CTR9: variants seen among roughly 807,000 people sequenced by gnomAD.
CTR9 encodes RNA polymerase-associated protein CTR9 homolog.
In CTR9, 41 loss-of-function variants were observed where a neutral mutation model predicts 152.1. That is an observed-to-expected ratio of 0.27 (90% confidence interval 0.21 to 0.35). The LOEUF is 0.35. CTR9 is among the 10% of genes least tolerant of loss of function. The pLI is 1.00. For synonymous variants in CTR9, 476 were observed against 496.2 expected, an observed-to-expected ratio of 0.96 and a Z score of 0.54; for missense variants, 917 against 1,424.4, an observed-to-expected ratio of 0.64 and a Z score of 5.73.
At chr11:10,753,952 C>T (rs1323640384) in intron 2 of CTR9, among the ~76,000 whole-genome samples, 1 of 152,146 alleles carries the variant, frequency 6.6e-6, no homozygotes, top group African/African-American at 2.4e-5. Context: ...ATGTTAGCAT[C>T]TACCTCATAG....
At position 10,775,246 on chromosome 11, in the gene CTR9, A is replaced by G. The variant is rs1863213287; in HGVS notation, c.2925A>G (p.Thr975=). 1.2e-6 allele frequency: 2 copies of G among 1,614,038 alleles called. No homozygotes were observed. Among genetic ancestry groups the G allele is most frequent in the East Asian group, 2.2e-5 (1 of 44,888 alleles). The change falls in exon 23 of 25, where the codon ACA becomes ACG. Residue 975 remains threonine (T), a synonymous_variant. Transcript: ENST00000361367. ...AAGAAGGATCTGATGATGATGAAAC[A>G]GAAAATGGCCCCAAACCAAAAAAAC... The part of the protein sequence containing the change: ...KGEEGSDDDE[T]ENGPKPKKRR...
In CTR9 at chr11:10,764,429, A is replaced by T. The variant is rs1201235668; in HGVS notation, c.1406A>T (p.Glu469Val). ...ALHFRLGNLG[E>V]AKKYFLASLD... ...CATTTTAGACTTGGAAACCTAGGGG[A>T]GGCTAAGGTAGGAAAATAGAAATAT... Residue 469 changes from glutamate (E) to valine (V), a missense_variant, in exon 11 of 25, where the codon GAG becomes GTG. Transcript: ENST00000361367. 1 of 1,612,422 alleles carries T rather than the reference A, an allele frequency of 6.2e-7. No individual in the cohort carries two copies. The highest frequency in any genetic ancestry group is 2.2e-5 in the East Asian group (1 of 44,834).
At chr11:10,764,017 C>G in intron 9 of CTR9, 95 bp from the exon 10 acceptor site, 1 of 1,378,938 alleles carries the variant, frequency 7.3e-7, no homozygotes, top group Non-Finnish European at 1.0e-6. Flanking sequence ...AGATAACAAA[C>G]AATGGATTTA....
At chr11:10,761,021 A>G (rs1862967623) in intron 6 of CTR9, among the ~76,000 whole-genome samples, 1 of 152,206 alleles carries the variant, frequency 6.6e-6, no homozygotes, top group African/African-American at 2.4e-5. Context: ...GCTTCCCCTT[A>G]TGTATAATTG....
At chr11:10,772,712 T>C (rs1353022523) in intron 20 of CTR9, 57 bp downstream of exon 20, 26 of 1,475,156 alleles carry the variant, frequency 1.8e-5, no homozygotes, top group Non-Finnish European at 2.3e-5. Context: ...TGCATACACT[T>C]TGTATGTTTA....
chr11:10,760,649 A>G (rs1040848366), intron 6 of CTR9, among the ~76,000 whole-genome samples: 1 of 152,024 alleles, frequency 6.6e-6, no homozygotes, highest in African/African-American at 2.4e-5. Context: ...AGATTTCAGA[A>G]TCTCAGATAA....
intron 7 of CTR9, among the ~76,000 whole-genome samples, chr11:10,762,999 C>A (rs1239126230): frequency 3.3e-5 from 5 of 149,754 alleles, no homozygotes; most frequent in African/African-American, 9.9e-5. Flanking sequence ...CAGAGTGAGA[C>A]CCTGTCTCAA....
In CTR9 at chr11:10,751,297, G is replaced by T. The variant is rs1172779980; in HGVS notation, c.-116G>T. The T allele has an allele frequency of 1.2e-5, 13 of 1,091,262 alleles. No homozygotes were observed. The highest frequency in any genetic ancestry group is 2.4e-5 in the East Asian group (1 of 41,134). 67.6% of individuals were successfully genotyped at this position (1,091,262 alleles called of 1,614,324 possible). On this transcript the variant is annotated 5_prime_UTR_variant, in exon 1 of 25. Coordinates refer to ENST00000361367, the MANE Select transcript of CTR9 (RefSeq NM_014633.5). ...GAAGCCAGAGCTCCAGCGGCGCCGC[G>T]GGGCGGCAGTCAAGACCAGAGCCGG...
intron 2 of CTR9, 23 bp from the exon 3 acceptor site, chr11:10,754,935 T>C: frequency 6.2e-7 from 1 of 1,604,942 alleles, no homozygotes; most frequent in Non-Finnish European, 8.5e-7. Flanking sequence ...TTAGTGATTC[T>C]AATTTGTTTC....
intron 4 of CTR9, among the ~76,000 whole-genome samples, chr11:10,756,041 G>A (rs149176715): frequency 8.5e-5 from 13 of 152,278 alleles, no homozygotes; most frequent in African/African-American, 2.4e-4. Context: ...ACCCTGTCTC[G>A]TTATACCTGT....
Position 10,751,267 on chromosome 11 carries a change from AAGG to A in CTR9, c.-143_-141del, listed in dbSNP as rs1202071511. 2 of 777,814 alleles carry A rather than the reference AAGG, an allele frequency of 2.6e-6. No homozygotes were observed. The highest frequency in any genetic ancestry group is 3.4e-5 in the African/African-American group (2 of 58,030). 48.2% of individuals were successfully genotyped at this position (777,814 alleles called of 1,614,324 possible). ...GCTCGTTGTTTAAGCGGCTGACGGG[AAGG>A]AGAAGCCAGAGCTCCAGCGGCGCCG... On this transcript the variant is annotated 5_prime_UTR_variant, in exon 1 of 25. Coordinates refer to ENST00000361367, the MANE Select transcript of CTR9 (RefSeq NM_014633.5).
In CTR9 at chr11:10,751,306, G is replaced by A; in HGVS notation, c.-107G>A. ...GCTCCAGCGGCGCCGCGGGGCGGCA[G>A]TCAAGACCAGAGCCGGAGCCGTCAC... On this transcript the variant is annotated 5_prime_UTR_variant, in exon 1 of 25. Coordinates refer to ENST00000361367, the MANE Select transcript of CTR9 (RefSeq NM_014633.5). The A allele has an allele frequency of 8.1e-7, 1 of 1,235,258 alleles. No homozygotes were observed. Among genetic ancestry groups the A allele is most frequent in the Non-Finnish European group, 1.2e-6 (1 of 848,872 alleles). 76.5% of individuals were successfully genotyped at this position (1,235,258 alleles called of 1,614,324 possible). A position where few individuals can be genotyped will look rare whatever the true frequency, so the allele number is the denominator to read the frequency against.
chr11:10,779,255 G>C lies in CTR9; in HGVS notation c.*150G>C. 1.4e-6 allele frequency: 1 copy of C among 721,290 alleles called. No homozygotes were observed. Among genetic ancestry groups the C allele is most frequent in the Non-Finnish European group, 2.2e-6 (1 of 451,518 alleles). 44.7% of individuals were successfully genotyped at this position (721,290 alleles called of 1,614,324 possible). ...CAGTTTGTATATTACTAAGCCCCAAGAGACATTTCCTGTGCTAGAGTCCAA... is the reference window on the plus strand; with the variant it reads ...CAGTTTGTATATTACTAAGCCCCAACAGACATTTCCTGTGCTAGAGTCCAA... On this transcript the variant is annotated 3_prime_UTR_variant, in exon 25 of 25. Transcript: ENST00000361367.
chr11:10,766,385 T>C lies in CTR9; in HGVS notation c.1598-17T>C, dbSNP rs770224094. On this transcript the variant is annotated splice_polypyrimidine_tract_variant and intron_variant, in intron 12 of 24. Coordinates refer to ENST00000361367, the MANE Select transcript of CTR9 (RefSeq NM_014633.5). The stretch of plus-strand genomic sequence containing the variant: ...AGCTAATATTTGGGATATAAAAACT[T>C]TTAAATATGTTTTCAGGCTATTTGC... 3.8e-6 allele frequency: 6 copies of C among 1,586,202 alleles called. No individual in the cohort carries two copies. The highest frequency in any genetic ancestry group is 1.4e-5 in the African/African-American group (1 of 73,518).
chr11:10,767,732 G>A lies in CTR9; in HGVS notation c.1687-74G>A, dbSNP rs1802032942. On this transcript the variant is annotated intron_variant, in intron 13 of 24. Transcript: ENST00000361367. This position sits in a 1 kb window ranked among gnomAD's most constrained non-coding sequence, Gnocchi z 4.0. ...AGTTTGTAAACCTCTTCAGTAATCA[G>A]CTATTGTGGGAAGATGATTGATCTC... The A allele has an allele frequency of 3.2e-6, 4 of 1,245,964 alleles. No homozygotes were observed. The highest frequency in any genetic ancestry group is 4.7e-6 in the Non-Finnish European group (4 of 859,068). 77.2% of individuals were successfully genotyped at this position (1,245,964 alleles called of 1,614,324 possible).
intron 3 of CTR9, 104 bp from the exon 4 acceptor site, chr11:10,755,574 G>T: frequency 1.5e-6 from 1 of 653,022 alleles, no homozygotes. Context: ...ATTTGATAGG[G>T]GAATTTGCAC....
intron 1 of CTR9, 97 bp downstream of exon 1, chr11:10,751,554 C>T (rs919748462): frequency 4.2e-6 from 5 of 1,189,198 alleles, no homozygotes; most frequent in Non-Finnish European, 6.1e-6. Flanking sequence ...GAGCATCCTC[C>T]TTCCCTAAGA....
intron 7 of CTR9, 79 bp downstream of exon 7, chr11:10,762,133 G>T: frequency 1.1e-6 from 1 of 923,718 alleles, no homozygotes; most frequent in South Asian, 1.7e-5. Context: ...TTTAAACTTG[G>T]AAAGAAATTT....
At chr11:10,771,243 G>C (rs144538604) in intron 18 of CTR9, among the ~76,000 whole-genome samples, 1 of 152,272 alleles carries the variant, frequency 6.6e-6, no homozygotes, top group African/African-American at 2.4e-5. Context: ...TAAATTATAA[G>C]TGCTTTCATG....
Sources: gnomAD v4.1 joint callset for allele counts (sites outside exome capture counted in the v4.1 genomes callset) on GRCh38, gnomAD v4.1.1 for gene constraint, Gnocchi (gnomAD v3.1) non-coding constraint, MANE v1.5 for transcripts, NCBI Gene and HGNC (gene_info 2026-07-23, HGNC 2026-07-21) for gene names.